The following TEK variants were observed in gnomAD, a reference collection of about 807,000 sequenced individuals.
The protein encoded by TEK is angiopoietin-1 receptor.
A neutral mutation model predicts 131.8 loss-of-function variants in TEK; 43 were observed. The observed-to-expected ratio is 0.33, with a 90% CI of 0.26 to 0.42. TEK has a LOEUF of 0.42. TEK is among the 10% of genes least tolerant of loss of function. The pLI, the probability that TEK is intolerant of heterozygous loss-of-function variation, is 1.00. For missense variants in TEK, 1,162 were observed against 1,384.4 expected, an observed-to-expected ratio of 0.84 and a Z score of 2.55; for synonymous variants, 580 against 491.6, an observed-to-expected ratio of 1.18 and a Z score of -2.38.
At chr9:27,181,614 GAAAA>G (rs1289529454) in intron 7 of TEK, among the ~76,000 whole-genome samples, 1 of 152,018 alleles carries the variant, frequency 6.6e-6, no homozygotes, top group South Asian at 2.1e-4. Context: ...TTATTATAAA[GAAAA>G]AAATTTTGGA....
At chr9:27,166,085 C>T (rs1423212475) in intron 2 of TEK, among the ~76,000 whole-genome samples, 2 of 152,272 alleles carry the variant, frequency 1.3e-5, no homozygotes, top group East Asian at 3.8e-4. Context: ...CCAGCTGGTT[C>T]ATCACAAGGT....
chr9:27,177,294 T>G (rs1824203941), intron 6 of TEK, among the ~76,000 whole-genome samples: 1 of 152,216 alleles, frequency 6.6e-6, no homozygotes, highest in Non-Finnish European at 1.5e-5. Flanking sequence ...CTGTACCAAT[T>G]TACATTCCCA....
intron 6 of TEK, among the ~76,000 whole-genome samples, chr9:27,177,777 G>A (rs1824224613): frequency 6.6e-6 from 1 of 152,040 alleles, no homozygotes; most frequent in South Asian, 2.1e-4. Context: ...AAAAAAAGAT[G>A]TCTATTCAGG....
intron 12 of TEK, among the ~76,000 whole-genome samples, chr9:27,199,521 C>G (rs1256471115): frequency 6.6e-6 from 1 of 152,148 alleles, no homozygotes; most frequent in Non-Finnish European, 1.5e-5. Flanking sequence ...CCCTATATCA[C>G]TCGATAGTGT....
rs147649992 is a variant in TEK, at chr9:27,204,924, C to T, written c.2223C>T (p.Leu741=). The T allele has an allele frequency of 3.2e-5, 52 of 1,613,910 alleles. No individual in the cohort carries two copies. The highest frequency in any genetic ancestry group is 3.1e-4 in the African/African-American group (23 of 75,032). The change falls in exon 14 of 23, where the codon CTC becomes CTT. Residue 741 remains leucine, a synonymous_variant. Transcript: ENST00000380036. ...CTTCCTGCACAGCACCAGCGGACCTCGGAGGGGGGAAGATGCTGCTTATAG... is the reference window on the plus strand; with the variant it reads ...CTTCCTGCACAGCACCAGCGGACCTTGGAGGGGGGAAGATGCTGCTTATAG... ...TLPESQAPAD[L]GGGKMLLIAI...
At chr9:27,199,866 A>T (rs1825157306) in intron 12 of TEK, among the ~76,000 whole-genome samples, 1 of 152,112 alleles carries the variant, frequency 6.6e-6, no homozygotes, top group Admixed American at 6.5e-5. Flanking sequence ...TGACATTTTG[A>T]TGCAGCTGGA....
At chr9:27,129,974 C>T (rs998168512) in intron 1 of TEK, among the ~76,000 whole-genome samples, 4 of 152,118 alleles carry the variant, frequency 2.6e-5, no homozygotes, top group Non-Finnish European at 4.4e-5. Flanking sequence ...TTTCATAATT[C>T]GTATCACATA....
In TEK at chr9:27,147,609, T is replaced by C. The variant is rs575214671; in HGVS notation, c.53-10222T>C. ...TAAAATTTAGCGTAACAATTTCTTTTTTATTCATGGTGTCTATGACAGCTA... is the reference window on the plus strand; with the variant it reads ...TAAAATTTAGCGTAACAATTTCTTTCTTATTCATGGTGTCTATGACAGCTA... On this transcript the variant is annotated intron_variant, in intron 1 of 22. Transcript: ENST00000380036. Among the ~76,000 whole-genome samples the C allele has an allele frequency of 1.1e-4, 17 of 152,348 alleles. No individual in the cohort carries two copies. The South Asian group carries it at 3.5e-3, about 32-fold the overall frequency.
intron 1 of TEK, among the ~76,000 whole-genome samples, chr9:27,144,578 A>T (rs12005349): frequency 0.043 from 6,473 of 152,294 alleles, 448 homozygotes; most frequent in African/African-American, 0.15. Flanking sequence ...GCAAATGTTT[A>T]TCTGTCGTTT....
chr9:27,180,098 G>A (rs1195624109), intron 6 of TEK, 142 bp from the exon 7 acceptor site: 1 of 1,230,270 alleles, frequency 8.1e-7, no homozygotes, highest in Non-Finnish European at 1.2e-6. Context: ...TAAGTTCCTG[G>A]TAATTCAGAT....
chr9:27,207,280 ACTGTATATAAGTTC>A (rs1394032338), intron 15 of TEK, among the ~76,000 whole-genome samples: 1 of 152,198 alleles, frequency 6.6e-6, no homozygotes, highest in Non-Finnish European at 1.5e-5. Flanking sequence ...TCATAGGTTA[ACTGTATATAAGTTC>A]CTGGGGACAC....
chr9:27,218,139 T>C (rs1240358091), intron 19 of TEK, among the ~76,000 whole-genome samples: 1 of 103,180 alleles, frequency 9.7e-6, no homozygotes, highest in African/African-American at 3.5e-5. Flanking sequence ...GTGGCGGGGG[T>C]CGTCTCTGCT....
chr9:27,218,138 G>GGT lies in TEK; in HGVS notation c.3062+380_3062+381insGT, dbSNP rs1437200209. On this transcript the variant is annotated intron_variant, in intron 19 of 22. Transcript: ENST00000380036. The stretch of plus-strand genomic sequence containing the variant: ...AAAATAAGGCCAGACAGTGGCGGGG[G>GGT]TCGTCTCTGCTTGCAGCCTGCAGTG... 2.2e-4 allele frequency among the ~76,000 whole-genome samples: 33 copies of GGT among 148,744 alleles called. No individual in the cohort carries two copies. In the East Asian group the frequency reaches 6.9e-3, roughly 31 times the overall value.
chr9:27,199,257 T>C (rs1825134829), intron 12 of TEK, among the ~76,000 whole-genome samples: 1 of 152,266 alleles, frequency 6.6e-6, no homozygotes, highest in Non-Finnish European at 1.5e-5. Flanking sequence ...TATGAATGTA[T>C]CTTGTCATTC....
At chr9:27,113,586 CAATAA>C (rs10568024) in intron 1 of TEK, among the ~76,000 whole-genome samples, 145,642 of 150,998 alleles carry the variant, frequency 0.96, 70,426 homozygotes, top group South Asian at 1. Flanking sequence ...GACTCCGTCT[CAATAA>C]AATAAAATAA....
chr9:27,112,551 G>C lies in TEK; in HGVS notation c.52+2909G>C, dbSNP rs180754246. Among the ~76,000 whole-genome samples, 52 of 152,316 alleles carry C rather than the reference G, an allele frequency of 3.4e-4. No homozygotes were observed. The East Asian group carries it at 8.7e-3, about 25-fold the overall frequency. On this transcript the variant is annotated intron_variant, in intron 1 of 22. Transcript: ENST00000380036. ...GTTCTTCCAAGGCGTCTCTCCAGGA[G>C]GGAAGGAGTCTTCTAAGTTCATCTC...
At chr9:27,137,495 T>C (rs957079995) in intron 1 of TEK, among the ~76,000 whole-genome samples, 1 of 152,194 alleles carries the variant, frequency 6.6e-6, no homozygotes, top group Non-Finnish European at 1.5e-5. Flanking sequence ...AAAGTTCTTA[T>C]ATTACATAAA....
intron 4 of TEK, among the ~76,000 whole-genome samples, chr9:27,172,019 T>C (rs770738798): frequency 5.9e-5 from 9 of 152,196 alleles, no homozygotes; most frequent in African/African-American, 1.2e-4. Flanking sequence ...TTGTTTGAGA[T>C]AGGAAAACCA....
intron 10 of TEK, among the ~76,000 whole-genome samples, chr9:27,191,120 T>C (rs1226627550): frequency 2.0e-5 from 3 of 152,118 alleles, no homozygotes; most frequent in Non-Finnish European, 4.4e-5. Context: ...TTGAGTTGTT[T>C]ATTCCTTTTC....
Sources: gnomAD v4.1 joint callset for allele counts (sites outside exome capture counted in the v4.1 genomes callset) on GRCh38, gnomAD v4.1.1 for gene constraint, MANE v1.5 for transcripts, NCBI Gene and HGNC (gene_info 2026-07-23, HGNC 2026-07-21) for gene names.